Variants in HS3ST4 observed in about 807,000 individuals in gnomAD.
HS3ST4 encodes the protein heparan sulfate glucosamine 3-O-sulfotransferase 4.
HS3ST4 carries 17 observed loss-of-function variants against 29.2 expected under a neutral mutation model. The ratio of observed to expected loss-of-function variants is 0.58; its 90% CI spans 0.40 to 0.87. HS3ST4 has a LOEUF of 0.87. Ranked by LOEUF, HS3ST4 falls within the 40% of genes least tolerant of loss-of-function variation. The pLI, the probability that HS3ST4 is intolerant of heterozygous loss-of-function variation, is 0.00. For missense variants in HS3ST4, 627 were observed against 634.5 expected (o/e 0.99, Z 0.13); for synonymous variants, 314 against 285.7 (o/e 1.10, Z -1.00).
chr16:25,725,629 A>C (rs1462984941), intron 1 of HS3ST4, among the ~76,000 whole-genome samples: 1 of 151,772 alleles, frequency 6.6e-6, no homozygotes, highest in African/African-American at 2.4e-5. Flanking sequence ...AATTGGATGC[A>C]ATTTGAAAAT....
chr16:26,106,268 T>C (rs1899055674), intron 1 of HS3ST4, among the ~76,000 whole-genome samples: 1 of 152,182 alleles, frequency 6.6e-6, no homozygotes, highest in Non-Finnish European at 1.5e-5. Flanking sequence ...AAACTCCCCA[T>C]TGGCCTCACA....
intron 1 of HS3ST4, among the ~76,000 whole-genome samples, chr16:25,963,486 G>T (rs1968814045): frequency 6.6e-6 from 1 of 152,134 alleles, no homozygotes; most frequent in Non-Finnish European, 1.5e-5. Flanking sequence ...CCAGTTATTG[G>T]TACAGCTAAA....
chr16:25,911,650 C>T (rs1968241414), intron 1 of HS3ST4, among the ~76,000 whole-genome samples: 1 of 151,484 alleles, frequency 6.6e-6, no homozygotes, highest in Admixed American at 6.6e-5. Context: ...GGGACTATTA[C>T]TGGCAGGCAC....
At chr16:25,706,386 A>AAT (rs1210368894) in intron 1 of HS3ST4, among the ~76,000 whole-genome samples, 2 of 151,914 alleles carry the variant, frequency 1.3e-5, no homozygotes, top group East Asian at 1.9e-4. Context: ...AATCTTTTTT[A>AAT]ATATATATAT....
intron 1 of HS3ST4, among the ~76,000 whole-genome samples, chr16:26,105,045 T>A (rs1253952640): frequency 2.0e-5 from 3 of 152,116 alleles, no homozygotes; most frequent in Non-Finnish European, 4.4e-5. Context: ...TCAAGCCTTA[T>A]CCCCCGAAAG....
chr16:26,008,561 G>A (rs1358621468), intron 1 of HS3ST4, among the ~76,000 whole-genome samples: 2 of 152,202 alleles, frequency 1.3e-5, no homozygotes, highest in African/African-American at 4.8e-5. Flanking sequence ...GCTTATGCCT[G>A]TAATCCCAGC....
At chr16:25,924,124 G>C (rs757589324) in intron 1 of HS3ST4, among the ~76,000 whole-genome samples, 1 of 152,214 alleles carries the variant, frequency 6.6e-6, no homozygotes, top group Non-Finnish European at 1.5e-5. Flanking sequence ...CCACTATCTG[G>C]CATCCACTGT....
chr16:25,914,438 G>A lies in HS3ST4; in HGVS notation c.735-221174G>A, dbSNP rs186966711. 2.6e-5 allele frequency among the ~76,000 whole-genome samples: 4 copies of A among 151,834 alleles called. No individual in the cohort carries two copies. The East Asian group carries it at 7.7e-4, about 29-fold the overall frequency. The stretch of plus-strand genomic sequence containing the variant: ...AATGTGCGAGTTATGTGTAGGGTGT[G>A]TACATGGTGTGGCGTGTTGTGTGTT... On this transcript the variant is annotated intron_variant, in intron 1 of 1. Coordinates refer to ENST00000331351, the MANE Select transcript of HS3ST4 (RefSeq NM_006040.3).
intron 1 of HS3ST4, among the ~76,000 whole-genome samples, chr16:25,974,507 C>A (rs1968925917): frequency 6.6e-6 from 1 of 152,088 alleles, no homozygotes; most frequent in Non-Finnish European, 1.5e-5. Context: ...GGATGGTAAA[C>A]ATGTCCTGGT....
chr16:25,977,320 T>C (rs1290183173), intron 1 of HS3ST4, among the ~76,000 whole-genome samples: 1 of 152,166 alleles, frequency 6.6e-6, no homozygotes, highest in African/African-American at 2.4e-5. Context: ...ATGGGGATAA[T>C]AGGCCTCATA....
intron 1 of HS3ST4, among the ~76,000 whole-genome samples, chr16:25,945,305 T>A (rs1968614206): frequency 6.6e-6 from 1 of 152,200 alleles, no homozygotes; most frequent in South Asian, 2.1e-4. Context: ...CCTTTCTCAA[T>A]AATATGTCTT....
intron 1 of HS3ST4, among the ~76,000 whole-genome samples, chr16:26,070,879 C>A (rs993546153): frequency 2.0e-5 from 3 of 152,134 alleles, no homozygotes; most frequent in Non-Finnish European, 4.4e-5. Flanking sequence ...TTTGAGGAGA[C>A]CTGCGATTTA....
chr16:25,814,609 G>T (rs1054774810), intron 1 of HS3ST4, among the ~76,000 whole-genome samples: 1 of 152,172 alleles, frequency 6.6e-6, no homozygotes, highest in South Asian at 2.1e-4. Flanking sequence ...CTCCCAAAGC[G>T]CTGGGATTAC....
At chr16:25,856,670 T>C (rs1967576857) in intron 1 of HS3ST4, among the ~76,000 whole-genome samples, 1 of 152,038 alleles carries the variant, frequency 6.6e-6, no homozygotes, top group South Asian at 2.1e-4. Context: ...CACAAAGAAA[T>C]CTCAAAATGT....
intron 1 of HS3ST4, among the ~76,000 whole-genome samples, chr16:26,052,137 C>A (rs1198822720): frequency 6.6e-6 from 1 of 152,032 alleles, no homozygotes. Flanking sequence ...GTCCCACACC[C>A]AGAAGGAAGG....
chr16:25,779,117 A>C (rs1254095167), intron 1 of HS3ST4, among the ~76,000 whole-genome samples: 1 of 152,146 alleles, frequency 6.6e-6, no homozygotes, highest in African/African-American at 2.4e-5. Context: ...AATGCAACAC[A>C]GGGGTTGGCC....
intron 1 of HS3ST4, among the ~76,000 whole-genome samples, chr16:25,765,279 C>CTCCT (rs1015223827): frequency 2.6e-5 from 4 of 152,232 alleles, no homozygotes; most frequent in Admixed American, 2.6e-4. Flanking sequence ...CTCAAAGGTA[C>CTCCT]TCCTGTTCAG....
chr16:25,985,792 C>A (rs1173446377), intron 1 of HS3ST4, among the ~76,000 whole-genome samples: 1 of 151,896 alleles, frequency 6.6e-6, no homozygotes, highest in South Asian at 2.1e-4. Flanking sequence ...CTCAAGTGAT[C>A]CTCCCACCTC....
intron 1 of HS3ST4, among the ~76,000 whole-genome samples, chr16:25,730,328 A>G (rs1365573673): frequency 1.3e-5 from 2 of 151,594 alleles, no homozygotes; most frequent in Non-Finnish European, 2.9e-5. Context: ...GTTTCATTTT[A>G]TATTTCCTTC....
Sources: gnomAD v4.1 joint callset for allele counts (sites outside exome capture counted in the v4.1 genomes callset) on GRCh38, gnomAD v4.1.1 for gene constraint, MANE v1.5 for transcripts, NCBI Gene and HGNC (gene_info 2026-07-23, HGNC 2026-07-21) for gene names.